Variants in USP6 observed in about 807,000 individuals in gnomAD.
USP6 encodes ubiquitin specific peptidase 6.
Under a neutral mutation model 175.7 loss-of-function variants are expected in USP6, and 128 were observed. The ratio of observed to expected loss-of-function variants is 0.73; its 90% CI spans 0.63 to 0.84. The LOEUF (loss-of-function observed/expected upper bound fraction) is 0.84, where lower values mean the gene tolerates loss of function less well. Among genes scored for constraint, USP6 ranks in the 40% least tolerant of loss-of-function variants. The pLI is 0.00. For synonymous variants in USP6, 562 were observed against 630.6 expected (o/e 0.89, Z 1.63); for missense variants, 1,498 against 1,760.3 (o/e 0.85, Z 2.67).
chr17:5,142,756 C>T (rs1363507105), intron 25 of USP6, among the ~76,000 whole-genome samples: 1 of 152,210 alleles, frequency 6.6e-6, no homozygotes, highest in South Asian at 2.1e-4. Flanking sequence ...ATTTGTCAAA[C>T]ATCTTATATG....
intron 34 of USP6, among the ~76,000 whole-genome samples, chr17:5,168,545 C>T (rs1874743448): frequency 6.6e-6 from 1 of 152,226 alleles, no homozygotes; most frequent in Admixed American, 6.5e-5. Flanking sequence ...TGGCTGTGGC[C>T]ACACTGCTGA....
intron 30 of USP6, among the ~76,000 whole-genome samples, chr17:5,149,596 C>T: frequency 6.6e-6 from 1 of 152,054 alleles, no homozygotes; most frequent in Non-Finnish European, 1.5e-5. Flanking sequence ...AAAACCAACA[C>T]ACACAAAATT....
At chr17:5,138,393 T>C (rs2073331122) in intron 21 of USP6, 120 bp downstream of exon 21, 5 of 1,539,330 alleles carry the variant, frequency 3.2e-6, no homozygotes, top group Non-Finnish European at 4.4e-6. Context: ...CTTCCTCCTC[T>C]TCCTCCTGGA....
chr17:5,159,830 G>T (rs1407877537), intron 31 of USP6, among the ~76,000 whole-genome samples: 1 of 152,020 alleles, frequency 6.6e-6, no homozygotes, highest in Non-Finnish European at 1.5e-5. Context: ...AGGTATGGTG[G>T]TGCATGCCTG....
Position 5,169,876 on chromosome 17 carries a change from T to C in USP6, c.3518-603T>C, listed in dbSNP as rs149123489. 6.0e-3 allele frequency among the ~76,000 whole-genome samples: 921 copies of C among 152,358 alleles called. 10 individuals are homozygous for C. The highest frequency in any genetic ancestry group is 0.021 in the African/African-American group (861 of 41,570). ...TTTGACAGTGAAGTCTGTGCTAATGTATTGTACTTTTTCATTCCTCAGTTT... is the reference window on the plus strand; with the variant it reads ...TTTGACAGTGAAGTCTGTGCTAATGCATTGTACTTTTTCATTCCTCAGTTT... On this transcript the variant is annotated intron_variant, in intron 35 of 37. Transcript: ENST00000574788.
Position 5,161,523 on chromosome 17 carries a change from T to G in USP6, c.2829-5T>G. ...TTACACTCTTTTTGTTCTCTTCTGTTTCAGTGATAACTGTATGGGCTATCA... is the reference window on the plus strand; with the variant it reads ...TTACACTCTTTTTGTTCTCTTCTGTGTCAGTGATAACTGTATGGGCTATCA... On this transcript the variant is annotated splice_region_variant and splice_polypyrimidine_tract_variant and intron_variant, in intron 31 of 37. Coordinates refer to ENST00000574788, the MANE Select transcript of USP6 (RefSeq NM_001304284.2). The G allele has an allele frequency of 1.2e-6, 2 of 1,613,534 alleles. No homozygotes were observed. The highest frequency in any genetic ancestry group is 4.5e-5 in the East Asian group (2 of 44,886).
chr17:5,160,206 A>G (rs1325085959), intron 31 of USP6, among the ~76,000 whole-genome samples: 1 of 152,126 alleles, frequency 6.6e-6, no homozygotes, highest in African/African-American at 2.4e-5. Flanking sequence ...CATTCACTGG[A>G]TGAGTTATGC....
intron 35 of USP6, among the ~76,000 whole-genome samples, chr17:5,169,530 C>T (rs1051166460): frequency 1.3e-5 from 2 of 152,140 alleles, no homozygotes; most frequent in African/African-American, 4.8e-5. Context: ...CAGCCTGGAC[C>T]TCCTGGGGTC....
intron 31 of USP6, among the ~76,000 whole-genome samples, chr17:5,160,363 T>C (rs1461770518): frequency 6.6e-6 from 1 of 152,250 alleles, no homozygotes; most frequent in African/African-American, 2.4e-5. Flanking sequence ...TCTTATGTTA[T>C]ATTCCTTGCA....
At chr17:5,147,875 T>A (rs1006206171) in intron 29 of USP6, among the ~76,000 whole-genome samples, 30 of 152,154 alleles carry the variant, frequency 2.0e-4, no homozygotes, top group Non-Finnish European at 4.0e-4. Flanking sequence ...TTTTAATTTT[T>A]ATTTTATTTT....
Position 5,142,419 on chromosome 17 carries a change from G to A in USP6, c.1735G>A (p.Gly579Arg). ...LNRTNPIGMK[G>R]HMAKCYGDLV... is the part of the protein sequence containing the mutation. ...TAGGACAAATCCCATTGGTATGAAGGGGCATATGGCTAAATGCTATGGTGA... is the reference window on the plus strand; with the variant it reads ...TAGGACAAATCCCATTGGTATGAAGAGGCATATGGCTAAATGCTATGGTGA... The change falls in exon 25 of 38, where the codon GGG (glycine) becomes AGG (arginine). Residue 579 changes from glycine to arginine, a missense_variant. By Grantham distance (125) the Gly-to-Arg change is moderately radical. This residue lies in a region of USP6 where 1,217 missense variants were observed against 1,500.8 expected (regional missense o/e 0.81). Transcript: ENST00000574788. The A allele has an allele frequency of 6.2e-7, 1 of 1,613,746 alleles. No homozygotes were observed. The highest frequency in any genetic ancestry group is 8.5e-7 in the Non-Finnish European group (1 of 1,179,760).
intron 25 of USP6, among the ~76,000 whole-genome samples, chr17:5,144,309 A>G (rs1567794962): frequency 8.0e-6 from 1 of 124,422 alleles, no homozygotes; most frequent in African/African-American, 2.5e-5. Context: ...TGTATATATT[A>G]TGTACCTGTA....
At chr17:5,139,059 C>T (rs377298672) in intron 21 of USP6, 196 bp from the exon 22 acceptor site, 160 of 1,588,486 alleles carry the variant, frequency 1.0e-4, no homozygotes, top group Non-Finnish European at 1.3e-4. Context: ...CCCACCATGC[C>T]CCAACGGCTT....
At chr17:5,140,891 A>G (rs2073425664) in intron 22 of USP6, among the ~76,000 whole-genome samples, 1 of 152,178 alleles carries the variant, frequency 6.6e-6, no homozygotes, top group African/African-American at 2.4e-5. Flanking sequence ...ACCCTTTAAG[A>G]AACACTTTGA....
intron 37 of USP6, among the ~76,000 whole-genome samples, chr17:5,172,253 C>T (rs1040610851): frequency 1.3e-5 from 2 of 151,686 alleles, no homozygotes; most frequent in South Asian, 2.1e-4. Flanking sequence ...GGGGTTGGGC[C>T]GAGCGCGGTG....
rs1394913710 is a variant in USP6 at position 5,142,074 on chromosome 17, T to A, written c.1645T>A (p.Cys549Ser). ...ATGCTTCATGAACTCAAGCATCCAG[T>A]GCGTTAGTAACACACAGCCACTGAC... Reference protein sequence around the residue: ...NTCFMNSSIQCVSNTQPLTQY... With the variant: ...NTCFMNSSIQSVSNTQPLTQY... The change falls in exon 24 of 38, where the codon TGC becomes AGC. Residue 549 changes from cysteine to serine, a missense_variant. Around this residue, in one of 2 missense-constraint regions of USP6, gnomAD observed 1,217 missense variants for 1,500.8 expected, o/e 0.81. Coordinates refer to ENST00000574788, the MANE Select transcript of USP6 (RefSeq NM_001304284.2). The A allele has an allele frequency of 6.2e-7, 1 of 1,613,780 alleles. No homozygotes were observed. The highest frequency in any genetic ancestry group is 2.2e-5 in the East Asian group (1 of 44,886).
Position 5,137,672 on chromosome 17 carries a change from C to T in USP6, c.847C>T (p.Arg283Cys), listed in dbSNP as rs187679701. The T allele has an allele frequency of 8.7e-5, 140 of 1,606,174 alleles. No homozygotes were observed. The highest frequency in any genetic ancestry group is 3.3e-4 in the Middle Eastern group (2 of 6,024). Residue 283 changes from arginine to cysteine, a missense_variant, in exon 20 of 38, where the codon CGC (arginine) becomes TGC (cysteine). Physicochemically the swap from Arg to Cys is radical, Grantham distance 180. Coordinates refer to ENST00000574788, the MANE Select transcript of USP6 (RefSeq NM_001304284.2). ...ACAGATCTCTCTCGGGCTCACCCTG[C>T]GCCTGTGGGACGTGTATTTGGTGGA... ...IDGISLGLTL[R>C]LWDVYLVEGE...
intron 26 of USP6, among the ~76,000 whole-genome samples, chr17:5,145,171 C>G (rs1432825472): frequency 1.3e-5 from 2 of 152,082 alleles, no homozygotes; most frequent in Non-Finnish European, 2.9e-5. Context: ...GACCAATAGG[C>G]ATGCTTTATA....
At position 5,173,267 on chromosome 17, in the gene USP6, A is replaced by G; in HGVS notation, c.*289A>G. 2.7e-6 allele frequency: 1 copy of G among 372,596 alleles called. No homozygotes were observed. Among genetic ancestry groups the G allele is most frequent in the Non-Finnish European group, 4.9e-6 (1 of 203,854 alleles). 23.1% of individuals were successfully genotyped at this position (372,596 alleles called of 1,614,324 possible). ...AATAAGAATTGAATTGTGCTTGTCCAGATATGAACAAATATGTAGTGAGTA... is the reference window on the plus strand; with the variant it reads ...AATAAGAATTGAATTGTGCTTGTCCGGATATGAACAAATATGTAGTGAGTA... On this transcript the variant is annotated 3_prime_UTR_variant, in exon 38 of 38. Transcript: ENST00000574788.
Sources: gnomAD v4.1 joint callset for allele counts (sites outside exome capture counted in the v4.1 genomes callset) on GRCh38, gnomAD v4.1.1 for gene constraint, gnomAD v4.1.1 regional missense constraint, MANE v1.5 for transcripts, NCBI Gene and HGNC (gene_info 2026-07-23, HGNC 2026-07-21) for gene names.